NAV1: variants seen among roughly 807,000 people sequenced by gnomAD.
NAV1 encodes the protein pore membrane and/or filament interacting like protein 3.
Under a neutral mutation model 175.2 loss-of-function variants are expected in NAV1, and 18 were observed. That is an observed-to-expected ratio of 0.10 (90% CI 0.07 to 0.15). The LOEUF is 0.15. Ranked by LOEUF, NAV1 falls within the 10% of genes least tolerant of loss-of-function variation. The pLI is 1.00. For synonymous variants in NAV1, 897 were observed against 978.7 expected (o/e 0.92, Z 1.56); for missense variants, 1,731 against 2,436.6 (o/e 0.71, Z 6.10).
intron 1 of NAV1, among the ~76,000 whole-genome samples, chr1:201,649,834 G>A (rs550387191): frequency 1.4e-4 from 21 of 152,350 alleles, no homozygotes; most frequent in Middle Eastern, 3.4e-3. Context: ...CGTCCAGCGA[G>A]AGCCCGGATC....
intron 1 of NAV1, among the ~76,000 whole-genome samples, chr1:201,574,879 G>C (rs933872416): frequency 3.9e-5 from 6 of 152,202 alleles, no homozygotes; most frequent in Admixed American, 2.6e-4. Context: ...CACATTGCTC[G>C]GCCTCTGCTC....
chr1:201,725,578 C>T (rs12036886), intron 3 of NAV1, among the ~76,000 whole-genome samples: 38,953 of 148,248 alleles, frequency 0.26, 5,452 homozygotes, highest in Non-Finnish European at 0.32. Context: ...GGAGTTGGGG[C>T]GGGGGGGCTA....
At chr1:201,683,210 G>A (rs1241225909) in intron 1 of NAV1, among the ~76,000 whole-genome samples, 3 of 152,190 alleles carry the variant, frequency 2.0e-5, no homozygotes, top group Non-Finnish European at 4.4e-5. Flanking sequence ...ATGTCCTGCA[G>A]TGGTTTTAAC....
chr1:201,718,837 C>T lies in NAV1; in HGVS notation c.1226+82C>T. On this transcript the variant is annotated intron_variant, in intron 3 of 29. Coordinates refer to ENST00000367296, the Ensembl canonical transcript of NAV1. This position sits in a 1 kb window ranked among gnomAD's most constrained non-coding sequence, Gnocchi z 4.8. ...GCGACGCCTTAAAAGTGGAGTGGAACCCAAAACGGGTTTTGGTTTGCTGTG... is the reference window on the plus strand; with the variant it reads ...GCGACGCCTTAAAAGTGGAGTGGAATCCAAAACGGGTTTTGGTTTGCTGTG... 3 of 1,520,586 alleles carry T rather than the reference C, an allele frequency of 2.0e-6. No homozygotes were observed. Among genetic ancestry groups the T allele is most frequent in the South Asian group, 2.6e-5 (2 of 78,046 alleles). The allele number at this position is 1,520,586 out of a possible 1,614,324, so 94.2% of individuals were successfully genotyped here.
At chr1:201,605,758 G>C (rs1358854545) in intron 2 of NAV1, among the ~76,000 whole-genome samples, 2 of 152,210 alleles carry the variant, frequency 1.3e-5, no homozygotes, top group Admixed American at 1.3e-4. Flanking sequence ...ATTGGGCCAT[G>C]CCTGGCCAGC....
intron 1 of NAV1, among the ~76,000 whole-genome samples, chr1:201,547,142 A>C (rs981334436): frequency 1.3e-5 from 2 of 151,762 alleles, no homozygotes; most frequent in African/African-American, 4.8e-5. Flanking sequence ...ACGCGCCACC[A>C]TGCCCGGCTA....
chr1:201,703,559 C>T (rs892698938), intron 1 of NAV1, among the ~76,000 whole-genome samples: 3 of 152,226 alleles, frequency 2.0e-5, no homozygotes, highest in East Asian at 3.8e-4. Context: ...CACAGTCCTC[C>T]GCATGGACCA....
chr1:201,589,501 CG>C (rs1667129293), intron 2 of NAV1, among the ~76,000 whole-genome samples: 1 of 151,966 alleles, frequency 6.6e-6, no homozygotes, highest in Non-Finnish European at 1.5e-5. Flanking sequence ...TTTTGTTTTT[CG>C]TTTTTTTGAG....
intron 1 of NAV1, among the ~76,000 whole-genome samples, chr1:201,693,067 C>T (rs1319916868): frequency 6.6e-6 from 1 of 152,088 alleles, no homozygotes; most frequent in Non-Finnish European, 1.5e-5. Context: ...GGAGGCGGGA[C>T]AAGTATGGCA....
intron 3 of NAV1, among the ~76,000 whole-genome samples, chr1:201,720,351 C>T (rs1381090173): frequency 6.6e-6 from 1 of 152,198 alleles, no homozygotes; most frequent in Non-Finnish European, 1.5e-5. Flanking sequence ...TAGCCCTAGA[C>T]CCTAGGGAGC....
chr1:201,632,262 G>A (rs988200667), intron 2 of NAV1, among the ~76,000 whole-genome samples: 64 of 152,354 alleles, frequency 4.2e-4, no homozygotes, highest in Middle Eastern at 6.8e-3. Flanking sequence ...ATGATGACTT[G>A]CCTCCAACCT....
chr1:201,596,181 A>G (rs1013114816), intron 2 of NAV1, among the ~76,000 whole-genome samples: 1 of 152,264 alleles, frequency 6.6e-6, no homozygotes, highest in Non-Finnish European at 1.5e-5. Context: ...GCTGGAAGCA[A>G]TGCCTGGCAT....
intron 1 of NAV1, among the ~76,000 whole-genome samples, chr1:201,557,935 G>A (rs978451523): frequency 6.6e-6 from 1 of 152,120 alleles, no homozygotes; most frequent in Admixed American, 6.5e-5. Context: ...CTGCGCAAGG[G>A]GCTTGGAGGG....
intron 2 of NAV1, among the ~76,000 whole-genome samples, chr1:201,613,001 G>C (rs544489305): frequency 6.6e-6 from 1 of 152,240 alleles, no homozygotes; most frequent in East Asian, 1.9e-4. Flanking sequence ...AACTAACCAG[G>C]ATTTCCAGGG....
intron 1 of NAV1, among the ~76,000 whole-genome samples, chr1:201,579,817 T>C (rs1371088703): frequency 1.3e-5 from 2 of 152,206 alleles, no homozygotes; most frequent in African/African-American, 2.4e-5. Flanking sequence ...TAAAAATAGA[T>C]ACACGAGAGG....
rs1241634965 is a variant in NAV1, at chr1:201,815,239, A to G, written c.5341-1849A>G. On this transcript the variant is annotated intron_variant, in intron 28 of 29. Transcript: ENST00000367296. Reference sequence around the variant, plus strand: ...CACAATGGAAAATTATTCAGTTGTAAAAAAGGAGGAAATTCAAAGCCAGGC... The same window carrying G: ...CACAATGGAAAATTATTCAGTTGTAGAAAAGGAGGAAATTCAAAGCCAGGC... 2.6e-5 allele frequency among the ~76,000 whole-genome samples: 4 copies of G among 152,046 alleles called. No individual in the cohort carries two copies. The East Asian group carries it at 7.7e-4, about 29-fold the overall frequency.
chr1:201,619,679 G>C (rs1668101717), upstream of NAV1, among the ~76,000 whole-genome samples: 1 of 152,244 alleles, frequency 6.6e-6, no homozygotes, highest in South Asian at 2.1e-4. Context: ...CTTCATGGGA[G>C]ACTGTGGGCA....
At chr1:201,626,570 C>G (rs773557036) in intron 1 of NAV1, among the ~76,000 whole-genome samples, 6 of 152,208 alleles carry the variant, frequency 3.9e-5, no homozygotes, top group Non-Finnish European at 8.8e-5. Flanking sequence ...ACCCTGGTCT[C>G]ACACATCTAA....
chr1:201,813,201 C>A lies in NAV1; in HGVS notation c.5283C>A (p.Asp1761Glu), dbSNP rs752377334. 1 of 1,614,116 alleles carries A rather than the reference C, an allele frequency of 6.2e-7. No individual in the cohort carries two copies. Among genetic ancestry groups the A allele is most frequent in the African/African-American group, 1.3e-5 (1 of 75,006 alleles). ...AGGACTTCCGGACCTGGTTCATTGA[C>A]CTGTGGAACAACTCTATCATTCCCT... The change falls in exon 28 of 30, where the codon GAC (aspartate) becomes GAA (glutamate). Residue 1761 changes from aspartate to glutamate, a missense_variant. Asp to Glu is a conservative substitution (Grantham distance 45). Around this residue, in one of 13 missense-constraint regions of NAV1, gnomAD observed 30 missense variants for 97.3 expected, o/e 0.31. Transcript: ENST00000367296. The surrounding 1 kb of genome is among the most constrained non-coding windows in gnomAD (Gnocchi z 4.2).
Sources: allele counts gnomAD v4.1 joint callset (sites outside exome capture counted in the v4.1 genomes callset), GRCh38; gene constraint gnomAD v4.1.1; regional missense constraint gnomAD v4.1.1; non-coding constraint Gnocchi (gnomAD v3.1); transcripts MANE v1.5; gene names NCBI Gene and HGNC (gene_info 2026-07-23, HGNC 2026-07-21).